RIMBP2: variants seen among roughly 807,000 people sequenced by gnomAD.
RIMBP2 encodes RIMS-binding protein 2.
RIMBP2 carries 48 observed loss-of-function variants against 118.6 expected under a neutral mutation model. The observed-to-expected ratio is 0.40, with a 90% CI of 0.32 to 0.51. The LOEUF (loss-of-function observed/expected upper bound fraction) is 0.51. Ranked by LOEUF, RIMBP2 falls within the 20% of genes least tolerant of loss-of-function variation. The probability of loss-of-function intolerance (pLI) is 0.41; values close to 1 mark genes in which losing one functional copy is unlikely to be tolerated. For synonymous variants in RIMBP2, 762 were observed against 742.9 expected, an observed-to-expected ratio of 1.03 and a Z score of -0.42; for missense variants, 1,551 against 1,768.3, an observed-to-expected ratio of 0.88 and a Z score of 2.20.
chr12:130,627,912 C>G (rs2061745335), intron 2 of RIMBP2, among the ~76,000 whole-genome samples: 2 of 152,196 alleles, frequency 1.3e-5, no homozygotes, highest in African/African-American at 4.8e-5. Context: ...TGGAAGTGAT[C>G]TTATTAAAAT....
Position 130,525,555 on chromosome 12 carries a change from C to A in RIMBP2, c.-216-7638G>T, listed in dbSNP as rs781769672. Among the ~76,000 whole-genome samples, 1 of 152,074 alleles carries A rather than the reference C, an allele frequency of 6.6e-6. No individual in the cohort carries two copies. ...AGGCGAGTGGAATGTGGGTAGCTGC[C>A]GGGAACAGCAGCCCTCCAGGAAGCC... On this transcript the variant is annotated intron_variant, in intron 2 of 22. Coordinates refer to ENST00000690449, the MANE Select transcript of RIMBP2 (RefSeq NM_001393629.1). This position sits in a 1 kb window ranked among gnomAD's most constrained non-coding sequence, Gnocchi z 4.4.
chr12:130,423,112 G>A (rs1338811618), intron 16 of RIMBP2, among the ~76,000 whole-genome samples: 4 of 152,160 alleles, frequency 2.6e-5, no homozygotes, highest in South Asian at 2.1e-4. Flanking sequence ...GGACTCAGAC[G>A]GGTCTCCTTT....
chr12:130,449,542 C>T (rs1409488826), intron 9 of RIMBP2, among the ~76,000 whole-genome samples: 9 of 152,056 alleles, frequency 5.9e-5, no homozygotes, highest in African/African-American at 1.7e-4. Context: ...GACACACCCC[C>T]TTTCACTCTC....
At chr12:130,426,586 G>A (rs2076807607) in intron 15 of RIMBP2, 1 of 152,130 alleles carries the variant, frequency 6.6e-6, no homozygotes, top group Non-Finnish European at 1.5e-5. Context: ...CCTCCTACAT[G>A]ATTTCTAAAA....
intron 1 of RIMBP2, among the ~76,000 whole-genome samples, chr12:130,645,870 G>C (rs1229776165): frequency 6.6e-6 from 1 of 152,110 alleles, no homozygotes; most frequent in Non-Finnish European, 1.5e-5. Flanking sequence ...ACTCTTTACA[G>C]TTTAGTCTTC....
intron 2 of RIMBP2, among the ~76,000 whole-genome samples, chr12:130,521,031 C>T (rs1468086363): frequency 1.3e-5 from 2 of 152,200 alleles, no homozygotes; most frequent in Non-Finnish European, 2.9e-5. Flanking sequence ...CAGTGGCAGG[C>T]ATGGATACCA....
intron 2 of RIMBP2, among the ~76,000 whole-genome samples, chr12:130,533,571 G>A (rs886280330): frequency 2.0e-5 from 3 of 152,092 alleles, no homozygotes; most frequent in African/African-American, 7.2e-5. Flanking sequence ...TCCACCCAAA[G>A]GAAAACAAAT....
rs564975006 is a variant in RIMBP2, at chr12:130,434,589, C to G, written c.2253+145G>C. The G allele has an allele frequency of 1.2e-6, 1 of 810,076 alleles. No homozygotes were observed. The highest frequency in any genetic ancestry group is 2.8e-5 in the East Asian group (1 of 36,326). The allele number at this position is 810,076 out of a possible 1,614,324, so 50.2% of individuals were successfully genotyped here. A position where few individuals can be genotyped will look rare whatever the true frequency, so the allele number is the denominator to read the frequency against. On this transcript the variant is annotated intron_variant, in intron 14 of 22. Coordinates refer to ENST00000690449, the MANE Select transcript of RIMBP2 (RefSeq NM_001393629.1). This position sits in a 1 kb window ranked among gnomAD's most constrained non-coding sequence, Gnocchi z 5.7. The stretch of plus-strand genomic sequence containing the variant: ...AAATATAAACTTCAGAAACCTAGCA[C>G]GACTTAGGACCCCAGCTGGGCGTCT...
rs1447055913 is a variant in RIMBP2, at chr12:130,688,094, C to G, written c.-352+28128G>C. 1.3e-5 allele frequency among the ~76,000 whole-genome samples: 2 copies of G among 152,186 alleles called. No individual in the cohort carries two copies. The highest frequency in any genetic ancestry group is 2.9e-5 in the Non-Finnish European group (2 of 68,038). On this transcript the variant is annotated intron_variant, in intron 1 of 22. Coordinates refer to ENST00000690449, the MANE Select transcript of RIMBP2 (RefSeq NM_001393629.1). This position sits in a 1 kb window ranked among gnomAD's most constrained non-coding sequence, Gnocchi z 4.7. ...GCACATCACAGAAGTCACCAGAGAGCTTACAAAATGACACACTCGGTGACC... is the reference window on the plus strand; with the variant it reads ...GCACATCACAGAAGTCACCAGAGAGGTTACAAAATGACACACTCGGTGACC...
chr12:130,629,647 C>A (rs1403873892), intron 1 of RIMBP2, among the ~76,000 whole-genome samples: 5 of 152,172 alleles, frequency 3.3e-5, no homozygotes, highest in African/African-American at 7.2e-5. Context: ...AGATCCAATG[C>A]ATTAAGCAGG....
At chr12:130,417,347 A>G (rs148324033) in intron 17 of RIMBP2, among the ~76,000 whole-genome samples, 562 of 152,374 alleles carry the variant, frequency 3.7e-3, no homozygotes, top group Non-Finnish European at 5.6e-3. Flanking sequence ...CTAGATGCTC[A>G]TCAACAGTGG....
Position 130,417,990 on chromosome 12 carries a change from G to T in RIMBP2, c.3239-3684C>A, listed in dbSNP as rs1201026462. Among the ~76,000 whole-genome samples, 6 of 152,128 alleles carry T rather than the reference G, an allele frequency of 3.9e-5. No individual in the cohort carries two copies. In the East Asian group the frequency reaches 1.2e-3, roughly 29 times the overall value. On this transcript the variant is annotated intron_variant, in intron 17 of 22. Transcript: ENST00000690449. Reference sequence around the variant, plus strand: ...AGAGAGAGCAGCATTGGGAGAAGCAGCCCAGTGTGAGCTTCTGTCCCAGCA... The same window carrying T: ...AGAGAGAGCAGCATTGGGAGAAGCATCCCAGTGTGAGCTTCTGTCCCAGCA...
At chr12:130,398,242 TC>T (rs1331833870) in intron 22 of RIMBP2, 1 of 152,214 alleles carries the variant, frequency 6.6e-6, no homozygotes, top group African/African-American at 2.4e-5. Context: ...CAGGACGACT[TC>T]ACCTCGCTTC....
chr12:130,675,884 G>A (rs542181775), intron 1 of RIMBP2, among the ~76,000 whole-genome samples: 65 of 152,310 alleles, frequency 4.3e-4, no homozygotes, highest in African/African-American at 1.4e-3. Context: ...GCTAGACCTC[G>A]CATGCTGCAA....
chr12:130,445,036 G>A (rs2078412687), intron 10 of RIMBP2, 124 bp downstream of exon 10: 2 of 634,662 alleles, frequency 3.2e-6, no homozygotes, highest in South Asian at 4.5e-5. Flanking sequence ...AAGGGTCAGA[G>A]AGGAGGGCTG....
chr12:130,678,996 A>G (rs1324085917), intron 1 of RIMBP2, among the ~76,000 whole-genome samples: 13 of 152,248 alleles, frequency 8.5e-5, no homozygotes, highest in Non-Finnish European at 2.9e-5. Context: ...TGTTTGCACA[A>G]CACTGCGAGT....
At chr12:130,618,486 T>G (rs1014519642) in intron 2 of RIMBP2, among the ~76,000 whole-genome samples, 1 of 152,060 alleles carries the variant, frequency 6.6e-6, no homozygotes, top group Admixed American at 6.5e-5. Context: ...CAGTCTTAGG[T>G]TTCTCGCCCT....
At chr12:130,690,422 G>A (rs1042234315) in intron 1 of RIMBP2, among the ~76,000 whole-genome samples, 1 of 152,154 alleles carries the variant, frequency 6.6e-6, no homozygotes, top group African/African-American at 2.4e-5. Flanking sequence ...TTGAACAGCG[G>A]TTTTGCCACC....
At chr12:130,661,580 G>T (rs957100725) in intron 1 of RIMBP2, among the ~76,000 whole-genome samples, 2 of 152,196 alleles carry the variant, frequency 1.3e-5, no homozygotes, top group African/African-American at 4.8e-5. Flanking sequence ...GAGCAAATCT[G>T]CAGTGCTGTG....
Sources: allele counts gnomAD v4.1 joint callset (sites outside exome capture counted in the v4.1 genomes callset), GRCh38; gene constraint gnomAD v4.1.1; non-coding constraint Gnocchi (gnomAD v3.1); transcripts MANE v1.5; gene names NCBI Gene and HGNC (gene_info 2026-07-23, HGNC 2026-07-21).